Variants in GRK6 observed in about 807,000 individuals in gnomAD.
GRK6 encodes the protein G protein-coupled receptor kinase 6.
GRK6 carries 37 observed loss-of-function variants against 80.8 expected under a neutral mutation model. That is an observed-to-expected ratio of 0.46 (90% confidence interval 0.35 to 0.60). The LOEUF is 0.60. Among genes scored for constraint, GRK6 ranks in the 20% least tolerant of loss-of-function variants. The pLI is 0.00. For synonymous variants in GRK6, 295 were observed against 320.9 expected (o/e 0.92, Z 0.86); for missense variants, 560 against 784.6 (o/e 0.71, Z 3.42).
At chr5:177,437,677 AC>A (rs1764226344) in intron 13 of GRK6, among the ~76,000 whole-genome samples, 1 of 152,088 alleles carries the variant, frequency 6.6e-6, no homozygotes, top group South Asian at 2.1e-4. Context: ...GCTGTGTGCC[AC>A]GATTCTCCAG....
chr5:177,432,273 G>A lies in GRK6; in HGVS notation c.302G>A (p.Cys101Tyr), dbSNP rs769189900. 3 of 1,613,294 alleles carry A rather than the reference G, an allele frequency of 1.9e-6. No individual in the cohort carries two copies. The highest frequency in any genetic ancestry group is 2.5e-6 in the Non-Finnish European group (3 of 1,180,004). ...ACCCCGGATGACAAGCGGAAGGCAT[G>A]TGGGCGGCAGCTAACGCAGAATTTT... ...EVTPDDKRKA[C>Y]GRQLTQNFLS... is the part of the protein sequence containing the mutation. Residue 101 changes from cysteine (C) to tyrosine (Y), a missense_variant, in exon 4 of 16, where the codon TGT (cysteine) becomes TAT (tyrosine). By Grantham distance (194) the Cys-to-Tyr change is radical. Around this residue, in one of 3 missense-constraint regions of GRK6, gnomAD observed 189 missense variants for 230.2 expected, o/e 0.82. Coordinates refer to ENST00000355472, the MANE Select transcript of GRK6 (RefSeq NM_001004106.3).
At chr5:177,435,846 T>C (rs1482078758) in intron 11 of GRK6, among the ~76,000 whole-genome samples, 1 of 152,234 alleles carries the variant, frequency 6.6e-6, no homozygotes, top group African/African-American at 2.4e-5. Flanking sequence ...AAAATACAGA[T>C]TTCTGACTTC....
At chr5:177,436,780 GTT>G in intron 13 of GRK6, 1 of 530,432 alleles carries the variant, frequency 1.9e-6, no homozygotes, top group Non-Finnish European at 3.3e-6. Flanking sequence ...TCACTGTACC[GTT>G]GAGTGTGTAG....
intron 13 of GRK6, among the ~76,000 whole-genome samples, chr5:177,437,390 G>A (rs1764212119): frequency 6.6e-6 from 1 of 152,164 alleles, no homozygotes; most frequent in South Asian, 2.1e-4. Context: ...CACCAATGGG[G>A]GAGCTCAGTT....
In GRK6 at chr5:177,433,961, G is replaced by C. The variant is rs368663020; in HGVS notation, c.786G>C (p.Val262=). The change falls in exon 9 of 16, where the codon GTG becomes GTC. Residue 262 remains valine (V), a synonymous_variant. Coordinates refer to ENST00000355472, the MANE Select transcript of GRK6 (RefSeq NM_001004106.3). Reference sequence around the variant, plus strand: ...AGACCAAGGACGCGCTGTGCCTGGTGCTGACACTGATGAACGGGGGCGACC... The same window carrying C: ...AGACCAAGGACGCGCTGTGCCTGGTCCTGACACTGATGAACGGGGGCGACC... The part of the protein sequence containing the change: ...AYETKDALCL[V]LTLMNGGDLK... 14 of 1,610,588 alleles carry C rather than the reference G, an allele frequency of 8.7e-6. No homozygotes were observed. In the African/African-American group the frequency reaches 1.1e-4, roughly 12 times the overall value.
chr5:177,432,267 A>C lies in GRK6; in HGVS notation c.296A>C (p.Lys99Thr). ...EYEVTPDDKR[K>T]ACGRQLTQNF... ...GAAGTGACCCCGGATGACAAGCGGA[A>C]GGCATGTGGGCGGCAGCTAACGCAG... Residue 99 changes from lysine (K) to threonine (T), a missense_variant, in exon 4 of 16, where the codon AAG becomes ACG. This residue lies in a region of GRK6 where 189 missense variants were observed against 230.2 expected (regional missense o/e 0.82). Transcript: ENST00000355472. 1 of 1,613,430 alleles carries C rather than the reference A, an allele frequency of 6.2e-7. No individual in the cohort carries two copies. The highest frequency in any genetic ancestry group is 8.5e-7 in the Non-Finnish European group (1 of 1,180,006).
chr5:177,437,201 T>C (rs2545797), intron 13 of GRK6, among the ~76,000 whole-genome samples: 77,409 of 151,956 alleles, frequency 0.51, 20,151 homozygotes, highest in Non-Finnish European at 0.56. Context: ...GTGATCCTCT[T>C]GCCTCGGCCT....
chr5:177,428,079 A>G lies in GRK6; in HGVS notation c.52+1182A>G, dbSNP rs1352792880. On this transcript the variant is annotated intron_variant, in intron 1 of 15. Transcript: ENST00000355472. This position sits in a 1 kb window ranked among gnomAD's most constrained non-coding sequence, Gnocchi z 4.1. ...TGGCGAGGTGCAGCCCAGAAATGGC[A>G]TGGCAGGCTGGGTCCTCATTGCCTG... Among the ~76,000 whole-genome samples the G allele has an allele frequency of 6.6e-6, 1 of 152,184 alleles. No homozygotes were observed. The highest frequency in any genetic ancestry group is 1.5e-5 in the Non-Finnish European group (1 of 68,028).
At chr5:177,426,517 T>A (rs1236227787), upstream of GRK6, 1 of 151,966 alleles carries the variant, frequency 6.6e-6, no homozygotes, top group African/African-American at 2.4e-5. Flanking sequence ...CCCCCGTACT[T>A]CTTTGAGCGA....
Position 177,436,133 on chromosome 5 carries a change from G to T in GRK6, c.1118G>T (p.Cys373Phe). 1.9e-6 allele frequency: 3 copies of T among 1,614,110 alleles called. No individual in the cohort carries two copies. Among genetic ancestry groups the T allele is most frequent in the Non-Finnish European group, 2.5e-6 (3 of 1,180,024 alleles). ...TFSPDWWALG[C>F]LLYEMIAGQS... ...AGCCCTGACTGGTGGGCGCTCGGCT[G>T]CCTCCTGTACGAGATGATCGCAGGC... Residue 373 changes from cysteine to phenylalanine, a missense_variant, in exon 12 of 16, where the codon TGC becomes TTC. Cys to Phe is a radical substitution (Grantham distance 205, BLOSUM62 -2). This residue lies in a region of GRK6 where 294 missense variants were observed against 397.4 expected (regional missense o/e 0.74). Coordinates refer to ENST00000355472, the MANE Select transcript of GRK6 (RefSeq NM_001004106.3).
chr5:177,437,752 C>T (rs1282370298), intron 13 of GRK6, among the ~76,000 whole-genome samples: 1 of 152,214 alleles, frequency 6.6e-6, no homozygotes, highest in Non-Finnish European at 1.5e-5. Context: ...CTCTGTGTGA[C>T]AGTCATAGGG....
intron 15 of GRK6, 57 bp from the exon 16 acceptor site, chr5:177,441,680 G>A (rs2087227310): frequency 2.8e-6 from 4 of 1,432,730 alleles, no homozygotes; most frequent in East Asian, 2.3e-5. Flanking sequence ...GTCCCTCGTG[G>A]TTAATGGCAC....
chr5:177,433,157 G>A lies in GRK6; in HGVS notation c.451G>A (p.Glu151Lys), dbSNP rs528670739. The A allele has an allele frequency of 2.2e-5, 35 of 1,613,788 alleles. No homozygotes were observed. In the East Asian group the frequency reaches 5.6e-4, roughly 26 times the overall value. Residue 151 changes from glutamate (E) to lysine (K), a missense_variant, in exon 6 of 16, where the codon GAG becomes AAG. Physicochemically the swap from Glu to Lys is moderately conservative, Grantham distance 56. This residue lies in a region of GRK6 where 189 missense variants were observed against 230.2 expected (regional missense o/e 0.82). Coordinates refer to ENST00000355472, the MANE Select transcript of GRK6 (RefSeq NM_001004106.3). ...GCCTTTCCTCAACAGGCTGACCCACGAGTACCTGAGCGTGGCCCCTTTTGC... is the reference window on the plus strand; with the variant it reads ...GCCTTTCCTCAACAGGCTGACCCACAAGTACCTGAGCGTGGCCCCTTTTGC... ...LFQELTRLTH[E>K]YLSVAPFADY... is the part of the protein sequence containing the mutation.
At position 177,426,909 on chromosome 5, in the gene GRK6, G is replaced by A; in HGVS notation, c.52+12G>A. Reference sequence around the variant, plus strand: ...CAAGGCCCGGGAAGGTGAGGCGGCCGGGTGGGCGGCCGGGCCCGGGTGCGT... The same window carrying A: ...CAAGGCCCGGGAAGGTGAGGCGGCCAGGTGGGCGGCCGGGCCCGGGTGCGT... On this transcript the variant is annotated intron_variant, in intron 1 of 15. Coordinates refer to ENST00000355472, the MANE Select transcript of GRK6 (RefSeq NM_001004106.3). 1 of 1,375,078 alleles carries A rather than the reference G, an allele frequency of 7.3e-7. No individual in the cohort carries two copies. The highest frequency in any genetic ancestry group is 9.4e-7 in the Non-Finnish European group (1 of 1,058,716). The allele number at this position is 1,375,078 out of a possible 1,614,324, so 85.2% of individuals were successfully genotyped here.
At chr5:177,433,744 G>C in intron 8 of GRK6, 68 bp downstream of exon 8, 1 of 1,584,426 alleles carries the variant, frequency 6.3e-7, no homozygotes, top group Non-Finnish European at 8.6e-7. Context: ...CCACCCCCCA[G>C]GCCCCACCCT....
intron 2 of GRK6, chr5:177,431,668 T>C: frequency 2.9e-6 from 1 of 339,424 alleles, no homozygotes; most frequent in Non-Finnish European, 5.5e-6. Context: ...GGCCGGAACC[T>C]CACGGACCGC....
Position 177,441,915 on chromosome 5 carries a change from T to C in GRK6, c.*125T>C. The C allele has an allele frequency of 1.2e-6, 1 of 843,428 alleles. No homozygotes were observed. 52.2% of individuals were successfully genotyped at this position (843,428 alleles called of 1,614,324 possible). A position where few individuals can be genotyped will look rare whatever the true frequency, so the allele number is the denominator to read the frequency against. ...GTGGCCTGGGGAACACAGACGGAGC[T>C]GTCCCCAGTGTCCTCCGTCCCTCAG... On this transcript the variant is annotated 3_prime_UTR_variant, in exon 16 of 16. Coordinates refer to ENST00000355472, the MANE Select transcript of GRK6 (RefSeq NM_001004106.3).
chr5:177,432,408 A>G (rs1347683672), intron 4 of GRK6, 98 bp downstream of exon 4: 23 of 1,169,766 alleles, frequency 2.0e-5, no homozygotes, highest in Non-Finnish European at 2.8e-5. Context: ...TGGTCTCTTC[A>G]TACAGACACA....
In GRK6 at chr5:177,434,279, T is replaced by A. The variant is rs140483659; in HGVS notation, c.929+175T>A. 1.1e-3 allele frequency among the ~76,000 whole-genome samples: 174 copies of A among 152,254 alleles called. 2 individuals carry two copies. Among genetic ancestry groups the A allele is most frequent in the African/African-American group, 3.8e-3 (159 of 41,544 alleles). On this transcript the variant is annotated intron_variant, in intron 9 of 15. Transcript: ENST00000355472. ...CAGGCCAACCTGAGTAGCCCAGACC[T>A]AGGCTTTGGGCTCTGCTGGACCCAC...
Sources: gnomAD v4.1 joint callset for allele counts (sites outside exome capture counted in the v4.1 genomes callset) on GRCh38, gnomAD v4.1.1 for gene constraint, gnomAD v4.1.1 regional missense constraint, Gnocchi (gnomAD v3.1) non-coding constraint, MANE v1.5 for transcripts, NCBI Gene and HGNC (gene_info 2026-07-23, HGNC 2026-07-21) for gene names.